Variants in TBXAS1 observed in about 807,000 individuals in gnomAD.
The protein encoded by TBXAS1 is thromboxane A synthase 1.
In TBXAS1, 48 loss-of-function variants were observed where a neutral mutation model predicts 60.7. The ratio of observed to expected loss-of-function variants is 0.79; its 90% confidence interval spans 0.63 to 1.01. The LOEUF is 1.01. TBXAS1 is among the 50% of genes least tolerant of loss of function. The pLI, the probability that TBXAS1 is intolerant of heterozygous loss-of-function variation, is 0.00. For missense variants in TBXAS1, 685 were observed against 686.3 expected, an observed-to-expected ratio of 1.00 and a Z score of 0.02; for synonymous variants, 287 against 269.7, an observed-to-expected ratio of 1.06 and a Z score of -0.63.
chr7:140,011,281 A>G (rs374045562), intron 10 of TBXAS1, among the ~76,000 whole-genome samples: 5 of 144,472 alleles, frequency 3.5e-5, no homozygotes, highest in African/African-American at 1.3e-4. Flanking sequence ...TGTCTCAAAA[A>G]AAACAAACAA....
chr7:139,957,977 C>A (rs1450059961), intron 8 of TBXAS1, among the ~76,000 whole-genome samples: 2 of 152,126 alleles, frequency 1.3e-5, no homozygotes, highest in Non-Finnish European at 2.9e-5. Context: ...CAGAGAGAAG[C>A]CTACAGCAAT....
intron 2 of TBXAS1, among the ~76,000 whole-genome samples, chr7:139,781,349 G>A (rs574685127): frequency 6.6e-6 from 1 of 152,294 alleles, no homozygotes; most frequent in African/African-American, 2.4e-5. Flanking sequence ...GGAGAGCATG[G>A]GAGCTGGGAG....
At chr7:139,941,582 G>A (rs1808296473) in intron 5 of TBXAS1, among the ~76,000 whole-genome samples, 1 of 152,150 alleles carries the variant, frequency 6.6e-6, no homozygotes, top group African/African-American at 2.4e-5. Context: ...TATAGAAAAG[G>A]ATGGCTGAGC....
intron 4 of TBXAS1, among the ~76,000 whole-genome samples, chr7:139,917,705 G>T (rs1806116829): frequency 6.6e-6 from 1 of 152,206 alleles, no homozygotes; most frequent in Admixed American, 6.5e-5. Context: ...AAGTGGTGTT[G>T]ATTCTCAATG....
chr7:139,932,963 G>A (rs1374010436), intron 4 of TBXAS1, among the ~76,000 whole-genome samples: 1 of 152,068 alleles, frequency 6.6e-6, no homozygotes, highest in East Asian at 1.9e-4. Context: ...AGACTGAGAG[G>A]GTAGGATCGC....
chr7:139,928,789 A>G (rs1036388843), intron 4 of TBXAS1, among the ~76,000 whole-genome samples: 13 of 152,244 alleles, frequency 8.5e-5, no homozygotes, highest in African/African-American at 3.1e-4. Context: ...GGGAAAGAAA[A>G]GAATGAGTAA....
chr7:139,895,433 A>G (rs2116956286), intron 3 of TBXAS1, among the ~76,000 whole-genome samples: 1 of 152,346 alleles, frequency 6.6e-6, no homozygotes, highest in Non-Finnish European at 1.5e-5. Flanking sequence ...GGGATCAGTG[A>G]AGGGAAGGAG....
At chr7:139,804,202 T>G (rs1797787491) in intron 4 of TBXAS1, among the ~76,000 whole-genome samples, 2 of 152,260 alleles carry the variant, frequency 1.3e-5, no homozygotes, top group Non-Finnish European at 2.9e-5. Context: ...ATGCCCTGGA[T>G]GTGAGACATG....
chr7:139,785,007 G>T (rs1460896821), intron 3 of TBXAS1, among the ~76,000 whole-genome samples: 1 of 152,108 alleles, frequency 6.6e-6, no homozygotes, highest in East Asian at 1.9e-4. Context: ...GACTCCTCAG[G>T]CAGAACCCCA....
intron 4 of TBXAS1, among the ~76,000 whole-genome samples, chr7:139,802,587 C>A (rs1167716755): frequency 6.6e-6 from 1 of 152,176 alleles, no homozygotes; most frequent in East Asian, 1.9e-4. Context: ...GAGTTCAAGA[C>A]CAACCTGGCC....
rs79473153 is a variant in TBXAS1 at position 139,778,887 on chromosome 7, A to G, written c.-318+416A>G. On this transcript the variant is annotated intron_variant, in intron 1 of 16. Transcript: ENST00000336425. This position sits in a 1 kb window ranked among gnomAD's most constrained non-coding sequence, Gnocchi z 4.8. ...CTGCCATCCCCTCCAACTTAGGAAG[A>G]CTTGTTGAGTCTCCTCTTAGGCACT... is the stretch of plus-strand genomic sequence containing the variant. 6.6e-6 allele frequency among the ~76,000 whole-genome samples: 1 copy of G among 152,268 alleles called. No homozygotes were observed. Among genetic ancestry groups the G allele is most frequent in the East Asian group, 1.9e-4 (1 of 5,180 alleles).
intron 9 of TBXAS1, among the ~76,000 whole-genome samples, chr7:139,994,116 AC>A (rs540521236): frequency 2.0e-3 from 297 of 152,032 alleles, no homozygotes; most frequent in African/African-American, 6.8e-3. Flanking sequence ...ATCTGGGCTC[AC>A]TGCAACCTCT....
chr7:139,852,935 TACACACACACAC>T lies in TBXAS1; in HGVS notation c.90-19256_90-19245del, dbSNP rs57545948. On this transcript the variant is annotated intron_variant, in intron 1 of 12. Coordinates refer to ENST00000448866, the MANE Select transcript of TBXAS1 (RefSeq NM_001061.7). This position sits in a 1 kb window ranked among gnomAD's most constrained non-coding sequence, Gnocchi z 4.4. ...TGTGTACCAACCTTGGCTACTCCAA[TACACACACACAC>T]ACACACACACACACACACACACACA... Among the ~76,000 whole-genome samples the T allele has an allele frequency of 0.15, 19,251 of 127,336 alleles. 1,628 individuals are homozygous for T. Among genetic ancestry groups the T allele is most frequent in the Admixed American group, 0.28 (3,526 of 12,690 alleles). The allele number at this position is 127,336 out of a possible 152,430, so 83.5% of individuals were successfully genotyped here. A position where few individuals can be genotyped will look rare whatever the true frequency, so the allele number is the denominator to read the frequency against.
intron 10 of TBXAS1, among the ~76,000 whole-genome samples, chr7:140,008,374 G>T (rs545913998): frequency 6.6e-6 from 1 of 151,872 alleles, no homozygotes; most frequent in Admixed American, 6.6e-5. Flanking sequence ...CCAGCATTAA[G>T]ACCTGATGTG....
chr7:139,816,901 C>G (rs182551960), intron 4 of TBXAS1, among the ~76,000 whole-genome samples: 44 of 152,246 alleles, frequency 2.9e-4, no homozygotes, highest in Non-Finnish European at 5.4e-4. Flanking sequence ...GTGGGGAGGG[C>G]AACTCCACAG....
chr7:139,957,485 G>A, intron 7 of TBXAS1, 149 bp from the exon 8 acceptor site: 1 of 962,184 alleles, frequency 1.0e-6, no homozygotes, highest in South Asian at 1.3e-5. Context: ...CATCACCCCT[G>A]CTCTCAGAAG....
chr7:139,950,725 G>T (rs532198614), intron 5 of TBXAS1, among the ~76,000 whole-genome samples: 1 of 130,480 alleles, frequency 7.7e-6, no homozygotes, highest in African/African-American at 3.0e-5. Context: ...CTCCATCTAC[G>T]GGACCCCCTC....
At position 139,953,557 on chromosome 7, in the gene TBXAS1, G is replaced by A. The variant is rs939917059; in HGVS notation, c.539+101G>A. On this transcript the variant is annotated intron_variant, in intron 6 of 12. Coordinates refer to ENST00000448866, the MANE Select transcript of TBXAS1 (RefSeq NM_001061.7). ...AATTACCTTGGGACTAGCAAACTGTGGAAACGCTAGAAGCTCATAAAAGCA... is the reference window on the plus strand; with the variant it reads ...AATTACCTTGGGACTAGCAAACTGTAGAAACGCTAGAAGCTCATAAAAGCA... 14 of 1,120,620 alleles carry A rather than the reference G, an allele frequency of 1.2e-5. No individual in the cohort carries two copies. The Admixed American group carries it at 2.4e-4, about 19-fold the overall frequency. 69.4% of individuals were successfully genotyped at this position (1,120,620 alleles called of 1,614,324 possible).
chr7:139,811,175 C>T (rs907635807), intron 4 of TBXAS1, among the ~76,000 whole-genome samples: 1 of 152,352 alleles, frequency 6.6e-6, no homozygotes, highest in Middle Eastern at 3.4e-3. Context: ...ATATCTCCTT[C>T]CACAGGGAAA....
Sources: allele counts gnomAD v4.1 joint callset (sites outside exome capture counted in the v4.1 genomes callset), GRCh38; gene constraint gnomAD v4.1.1; non-coding constraint Gnocchi (gnomAD v3.1); transcripts MANE v1.5; gene names NCBI Gene and HGNC (gene_info 2026-07-23, HGNC 2026-07-21).